EIF3I: variants seen among roughly 807,000 people sequenced by gnomAD.
EIF3I encodes the protein TGF-beta receptor-interacting protein 1.
A neutral mutation model predicts 43.3 loss-of-function variants in EIF3I; 20 were observed. The ratio of observed to expected loss-of-function variants is 0.46; its 90% CI spans 0.32 to 0.67. The LOEUF (loss-of-function observed/expected upper bound fraction) is 0.67, where lower values mean the gene tolerates loss of function less well. Ranked by LOEUF, EIF3I falls within the 30% of genes least tolerant of loss-of-function variation. The pLI, the probability that EIF3I is intolerant of heterozygous loss-of-function variation, is 0.03. For synonymous variants in EIF3I, 167 were observed against 151.7 expected (o/e 1.10, Z -0.74); for missense variants, 279 against 421.4 (o/e 0.66, Z 2.96).
intron 3 of EIF3I, 65 bp from the exon 4 acceptor site, chr1:32,224,345 C>G (rs906506795): frequency 2.7e-5 from 38 of 1,395,966 alleles, no homozygotes; most frequent in Non-Finnish European, 3.8e-5. Context: ...GGAGATGATT[C>G]ACTTGGCATC....
At chr1:32,226,599 C>CT in intron 6 of EIF3I, 69 bp downstream of exon 6, 1 of 1,374,294 alleles carries the variant, frequency 7.3e-7, no homozygotes, top group Non-Finnish European at 9.4e-7. Context: ...TAGAGTCTCT[C>CT]TCTGTTGCCC....
At chr1:32,225,001 T>C (rs931269583) in intron 4 of EIF3I, among the ~76,000 whole-genome samples, 7 of 152,142 alleles carry the variant, frequency 4.6e-5, no homozygotes, top group Non-Finnish European at 8.8e-5. Flanking sequence ...ACCTGGCTAA[T>C]TTTTGTATTT....
At chr1:32,228,188 G>T (rs1383883605) in intron 6 of EIF3I, among the ~76,000 whole-genome samples, 1 of 152,236 alleles carries the variant, frequency 6.6e-6, no homozygotes, top group Non-Finnish European at 1.5e-5. Flanking sequence ...GTCCTTCAGT[G>T]TGAGGAGGTA....
chr1:32,229,278 T>A (rs1639195991), intron 9 of EIF3I, 70 bp downstream of exon 9: 1 of 1,529,792 alleles, frequency 6.5e-7, no homozygotes, highest in African/African-American at 1.4e-5. Context: ...TTTTTGTTTT[T>A]GAGATGGAGT....
intron 3 of EIF3I, 135 bp from the exon 4 acceptor site, chr1:32,224,275 C>A: frequency 9.1e-7 from 1 of 1,096,406 alleles, no homozygotes; most frequent in Non-Finnish European, 1.4e-6. Context: ...ACATTCAGGA[C>A]AAATTCCAGT....
At chr1:32,227,173 G>C (rs911661158) in intron 6 of EIF3I, among the ~76,000 whole-genome samples, 1 of 150,888 alleles carries the variant, frequency 6.6e-6, no homozygotes, top group Admixed American at 6.6e-5. Flanking sequence ...AGTGCCTTTG[G>C]GGGCCAAGGC....
rs1639154347 is a variant in EIF3I, at chr1:32,226,817, C to T, written c.528+287C>T. Among the ~76,000 whole-genome samples the T allele has an allele frequency of 2.3e-5, 3 of 132,576 alleles. No individual in the cohort carries two copies. The Admixed American group carries it at 2.5e-4, about 11-fold the overall frequency. The allele number at this position is 132,576 out of a possible 152,430, so 87.0% of individuals were successfully genotyped here. A position where few individuals can be genotyped will look rare whatever the true frequency, so the allele number is the denominator to read the frequency against. Reference sequence around the variant, plus strand: ...ACTCCTGACCTCAGGCAGTCCACCGCTCGTGGCTTTTTTTTTTTTTTTTTT... The same window carrying T: ...ACTCCTGACCTCAGGCAGTCCACCGTTCGTGGCTTTTTTTTTTTTTTTTTT... On this transcript the variant is annotated intron_variant, in intron 6 of 11. Transcript: ENST00000676679.
chr1:32,223,287 A>G (rs1476384299), intron 2 of EIF3I, among the ~76,000 whole-genome samples: 1 of 151,708 alleles, frequency 6.6e-6, no homozygotes, highest in Non-Finnish European at 1.5e-5. Context: ...TGGCCATTTT[A>G]TTTTATTTTT....
intron 4 of EIF3I, 126 bp from the exon 5 acceptor site, chr1:32,226,045 T>A: frequency 7.8e-7 from 1 of 1,283,468 alleles, no homozygotes; most frequent in South Asian, 1.6e-5. Context: ...AAAAGAAAAG[T>A]TAAAATACTT....
In EIF3I at chr1:32,222,637, G is replaced by A. The variant is rs377597986; in HGVS notation, c.96+7G>A. The A allele has an allele frequency of 5.0e-6, 8 of 1,613,062 alleles. No individual in the cohort carries two copies. In the African/African-American group the frequency reaches 9.3e-5, roughly 19 times the overall value. ...TACTGTGGCCAAGGACCCTGTGAGTGTTGGCTGGAGGGGGTCCGGGAGGGG... is the reference window on the plus strand; with the variant it reads ...TACTGTGGCCAAGGACCCTGTGAGTATTGGCTGGAGGGGGTCCGGGAGGGG... On this transcript the variant is annotated splice_region_variant and intron_variant, in intron 2 of 11. Coordinates refer to ENST00000676679, the Ensembl canonical transcript of EIF3I.
chr1:32,222,487 T>G, intron 1 of EIF3I, 43 bp downstream of exon 1: 1 of 1,612,614 alleles, frequency 6.2e-7, no homozygotes, highest in Non-Finnish European at 8.5e-7. Context: ...GGTCCTGGGC[T>G]GAGGCTGGGG....
intron 2 of EIF3I, among the ~76,000 whole-genome samples, chr1:32,223,019 G>A (rs1449946028): frequency 6.6e-6 from 1 of 152,180 alleles, no homozygotes; most frequent in Non-Finnish European, 1.5e-5. Flanking sequence ...GCTTGAGCGC[G>A]GTGAGCTGAG....
chr1:32,224,008 A>G (rs200468175), intron 2 of EIF3I, 26 bp from the exon 3 acceptor site: 6 of 1,611,366 alleles, frequency 3.7e-6, no homozygotes, highest in South Asian at 3.3e-5. Flanking sequence ...TGGGATGTGT[A>G]CTATCCTGTG....
At chr1:32,227,092 G>A (rs1302942064) in intron 6 of EIF3I, among the ~76,000 whole-genome samples, 2 of 150,538 alleles carry the variant, frequency 1.3e-5, no homozygotes, top group African/African-American at 2.4e-5. Flanking sequence ...CACCTGCCTC[G>A]GGTCCTGGTG....
chr1:32,222,541 C>T, exon 2 of EIF3I: 1 of 1,614,160 alleles, frequency 6.2e-7, no homozygotes. Context: ...CCCACAGAAG[C>T]CGATCCTACT....
exon 12 of EIF3I, chr1:32,231,225 G>A (rs1167833258): frequency 3.1e-6 from 5 of 1,605,498 alleles, no homozygotes; most frequent in African/African-American, 1.3e-5. Flanking sequence ...GGGCGTGGTG[G>A]CTCATGCCTG....
chr1:32,235,814 G>C (rs1639291998), downstream of EIF3I, among the ~76,000 whole-genome samples: 1 of 152,142 alleles, frequency 6.6e-6, no homozygotes, highest in South Asian at 2.1e-4. Context: ...CATTCCCTGG[G>C]GAGCCCCGGT....
chr1:32,229,889 A>G (rs1639208918), intron 9 of EIF3I, among the ~76,000 whole-genome samples: 1 of 152,118 alleles, frequency 6.6e-6, no homozygotes, highest in South Asian at 2.1e-4. Context: ...CCTCTACTGT[A>G]TAATGAGACA....
intron 1 of EIF3I, 22 bp downstream of exon 1, chr1:32,222,466 A>G (rs778498204): frequency 1.2e-6 from 2 of 1,609,830 alleles, no homozygotes; most frequent in Admixed American, 3.3e-5. Context: ...AGTTAGGGGT[A>G]TTGCAGTGGG....
Sources: allele counts gnomAD v4.1 joint callset (sites outside exome capture counted in the v4.1 genomes callset), GRCh38; gene constraint gnomAD v4.1.1; transcripts MANE v1.5; gene names NCBI Gene and HGNC (gene_info 2026-07-23, HGNC 2026-07-21).